DLG2: variants seen among roughly 807,000 people sequenced by gnomAD.
DLG2 encodes disks large homolog 2.
Under a neutral mutation model 132.5 loss-of-function variants are expected in DLG2, and 45 were observed. That is an observed-to-expected ratio of 0.34 (90% CI 0.27 to 0.44). The LOEUF (loss-of-function observed/expected upper bound fraction) is 0.44, where lower values mean the gene tolerates loss of function less well. DLG2 is among the 20% of genes least tolerant of loss of function. The pLI is 1.00. For synonymous variants in DLG2, 424 were observed against 419.6 expected (o/e 1.01, Z -0.13); for missense variants, 1,045 against 1,196.9 (o/e 0.87, Z 1.87).
At chr11:84,457,063 T>G (rs1602460553) in intron 7 of DLG2, among the ~76,000 whole-genome samples, 2 of 151,384 alleles carry the variant, frequency 1.3e-5, no homozygotes, top group South Asian at 4.1e-4. Context: ...GGTTAAGCAA[T>G]TTAACTAAGT....
intron 7 of DLG2, among the ~76,000 whole-genome samples, chr11:84,375,610 T>C (rs1169999497): frequency 6.6e-6 from 1 of 152,062 alleles, no homozygotes; most frequent in Non-Finnish European, 1.5e-5. Context: ...ATTTTGATCA[T>C]CTGACTTTAT....
intron 3 of DLG2, among the ~76,000 whole-genome samples, chr11:85,444,857 C>A (rs879314812): frequency 1.3e-5 from 2 of 152,194 alleles, no homozygotes; most frequent in Non-Finnish European, 2.9e-5. Flanking sequence ...ATTACTTTTG[C>A]ACCAACCTAA....
intron 3 of DLG2, among the ~76,000 whole-genome samples, chr11:85,581,732 G>C (rs999269336): frequency 1.3e-5 from 2 of 152,156 alleles, no homozygotes; most frequent in African/African-American, 2.4e-5. Flanking sequence ...TAAGAGGAGA[G>C]ACCATTTGTT....
chr11:84,078,097 T>C (rs553264613), intron 10 of DLG2, among the ~76,000 whole-genome samples: 9 of 152,302 alleles, frequency 5.9e-5, no homozygotes, highest in Admixed American at 3.9e-4. Context: ...TGAAATTGTA[T>C]TGGGGATTCT....
chr11:84,193,952 C>A (rs879409940), intron 8 of DLG2, among the ~76,000 whole-genome samples: 2 of 152,134 alleles, frequency 1.3e-5, no homozygotes, highest in Non-Finnish European at 2.9e-5. Flanking sequence ...GGACTGCTGG[C>A]GTATGGAACA....
chr11:84,142,811 G>A (rs1337957278), intron 9 of DLG2, among the ~76,000 whole-genome samples: 1 of 152,092 alleles, frequency 6.6e-6, no homozygotes, highest in Admixed American at 6.6e-5. Context: ...CTTCTCAGAT[G>A]TTTGGCATCA....
At position 83,456,435 on chromosome 11, in the gene DLG2, A is replaced by T. The variant is rs756655291; in HGVS notation, c.*3383T>A. 6.5e-6 allele frequency: 1 copy of T among 152,722 alleles called. No homozygotes were observed. The highest frequency in any genetic ancestry group is 1.5e-5 in the Non-Finnish European group (1 of 68,100). The allele number at this position is 152,722 out of a possible 1,614,324, so 9.5% of individuals were successfully genotyped here. On this transcript the variant is annotated 3_prime_UTR_variant, in exon 28 of 28. Coordinates refer to ENST00000376104, the MANE Select transcript of DLG2 (RefSeq NM_001142699.3). The stretch of plus-strand genomic sequence containing the variant: ...CATGGACTTGCTGTCTGAATCAGCC[A>T]TGAGCCCTTTAGAGGACAGAAAAAT...
At chr11:83,472,474 A>G (rs1347519332) in intron 23 of DLG2, among the ~76,000 whole-genome samples, 2 of 152,094 alleles carry the variant, frequency 1.3e-5, no homozygotes, top group Non-Finnish European at 2.9e-5. Flanking sequence ...CTTCCCATTG[A>G]GGACCACTCA....
At chr11:84,421,726 C>T (rs2098951499) in intron 7 of DLG2, among the ~76,000 whole-genome samples, 2 of 152,188 alleles carry the variant, frequency 1.3e-5, no homozygotes, top group Non-Finnish European at 2.9e-5. Flanking sequence ...CCCAGCTGAC[C>T]TAAGCAAAGT....
At chr11:85,345,545 G>A (rs539861639) in intron 3 of DLG2, among the ~76,000 whole-genome samples, 1 of 152,152 alleles carries the variant, frequency 6.6e-6, no homozygotes, top group Non-Finnish European at 1.5e-5. Context: ...TCACACACCT[G>A]GCAGAAATGG....
chr11:84,320,567 C>T (rs1265097981), intron 7 of DLG2, among the ~76,000 whole-genome samples: 1 of 152,136 alleles, frequency 6.6e-6, no homozygotes, highest in Admixed American at 6.5e-5. Flanking sequence ...CATCTAATAA[C>T]CTTTGGCCTA....
chr11:83,557,094 G>C (rs142625826), intron 19 of DLG2, among the ~76,000 whole-genome samples: 2 of 151,954 alleles, frequency 1.3e-5, no homozygotes, highest in Non-Finnish European at 2.9e-5. Flanking sequence ...TTCTTACCTG[G>C]GTCCCAGTAT....
At chr11:85,176,800 C>T (rs1216335751) in intron 4 of DLG2, among the ~76,000 whole-genome samples, 1 of 152,010 alleles carries the variant, frequency 6.6e-6, no homozygotes, top group African/African-American at 2.4e-5. Context: ...AGGCAAAGGA[C>T]ATGAGCAGAC....
At chr11:84,036,978 G>GA (rs2095880235) in intron 11 of DLG2, among the ~76,000 whole-genome samples, 1 of 152,116 alleles carries the variant, frequency 6.6e-6, no homozygotes, top group Non-Finnish European at 1.5e-5. Flanking sequence ...GAGCCATCAG[G>GA]AAAAAGATCA....
chr11:83,906,232 GTCTCTCTCTC>G (rs144862801), intron 15 of DLG2, among the ~76,000 whole-genome samples: 36 of 71,656 alleles, frequency 5.0e-4, no homozygotes, highest in Non-Finnish European at 7.5e-4. Flanking sequence ...TATAGTAGAT[GTCTCTCTCTC>G]TCTCTCTCTC....
intron 6 of DLG2, among the ~76,000 whole-genome samples, chr11:84,707,699 T>C (rs2059928658): frequency 6.6e-6 from 1 of 151,856 alleles, no homozygotes; most frequent in Non-Finnish European, 1.5e-5. Context: ...TTTGTCAGCC[T>C]TCATTGCACA....
At position 84,677,158 on chromosome 11, in the gene DLG2, T is replaced by C. The variant is rs541541082; in HGVS notation, c.358-142427A>G. Among the ~76,000 whole-genome samples the C allele has an allele frequency of 6.6e-5, 10 of 152,194 alleles. No homozygotes were observed. The South Asian group carries it at 1.0e-3, about 16-fold the overall frequency. On this transcript the variant is annotated intron_variant, in intron 6 of 27. Coordinates refer to ENST00000376104, the MANE Select transcript of DLG2 (RefSeq NM_001142699.3). Reference sequence around the variant, plus strand: ...AATTTTCGGGGATGGAAATCAACAATCTTGGTTACGGCATTCATTAAAGTA... The same window carrying C: ...AATTTTCGGGGATGGAAATCAACAACCTTGGTTACGGCATTCATTAAAGTA...
intron 3 of DLG2, among the ~76,000 whole-genome samples, chr11:85,502,206 G>A (rs1369485945): frequency 1.3e-5 from 2 of 151,916 alleles, no homozygotes; most frequent in African/African-American, 2.4e-5. Context: ...TTCATAAGTG[G>A]GAGTTGAACA....
intron 11 of DLG2, among the ~76,000 whole-genome samples, chr11:84,010,213 A>T (rs1446495197): frequency 1.3e-5 from 2 of 152,120 alleles, no homozygotes; most frequent in East Asian, 3.9e-4. Flanking sequence ...CTATATAAAG[A>T]TTTCTGAGAA....
Sources: gnomAD v4.1 joint callset for allele counts (sites outside exome capture counted in the v4.1 genomes callset) on GRCh38, gnomAD v4.1.1 for gene constraint, MANE v1.5 for transcripts, NCBI Gene and HGNC (gene_info 2026-07-23, HGNC 2026-07-21) for gene names.